Variants in MYRIP observed in about 807,000 individuals in gnomAD.
MYRIP encodes myosin VIIA and Rab interacting protein.
Under a neutral mutation model 98.0 loss-of-function variants are expected in MYRIP, and 49 were observed. That is an observed-to-expected ratio of 0.50 (90% CI 0.40 to 0.63). The LOEUF is 0.63. Among genes scored for constraint, MYRIP ranks in the 30% least tolerant of loss-of-function variants. MYRIP has a pLI of 0.00. For synonymous variants in MYRIP, 404 were observed against 409.5 expected (o/e 0.99, Z 0.16); for missense variants, 1,004 against 1,058.2 (o/e 0.95, Z 0.71).
chr3:40,012,400 A>G (rs1946777400), intron 2 of MYRIP, among the ~76,000 whole-genome samples: 1 of 152,254 alleles, frequency 6.6e-6, no homozygotes, highest in Admixed American at 6.5e-5. Context: ...CAACAGTTAC[A>G]GAACCCCTGG....
At chr3:40,159,776 G>C (rs552073670) in intron 4 of MYRIP, among the ~76,000 whole-genome samples, 3,128 of 152,110 alleles carry the variant, frequency 0.021, 112 homozygotes, top group African/African-American at 0.072. Flanking sequence ...CTTTCTTCCA[G>C]TTGATCGCAT....
At chr3:39,991,232 A>G (rs929630268) in intron 2 of MYRIP, among the ~76,000 whole-genome samples, 1 of 152,232 alleles carries the variant, frequency 6.6e-6, no homozygotes, top group African/African-American at 2.4e-5. Context: ...AGTGTCCTCC[A>G]GAGACAAAAC....
chr3:39,970,146 T>C (rs998808502), intron 2 of MYRIP: 3 of 152,154 alleles, frequency 2.0e-5, no homozygotes, highest in African/African-American at 7.2e-5. Flanking sequence ...GTGGCAATTG[T>C]TGTAGCCAAT....
intron 4 of MYRIP, among the ~76,000 whole-genome samples, chr3:40,157,311 A>T (rs1214677663): frequency 7.9e-6 from 1 of 127,150 alleles, no homozygotes; most frequent in African/African-American, 3.1e-5. Context: ...TGATTTGCGT[A>T]TATTGAACCA....
chr3:39,898,215 G>T (rs1364450814), intron 1 of MYRIP, among the ~76,000 whole-genome samples: 3 of 152,008 alleles, frequency 2.0e-5, no homozygotes, highest in African/African-American at 7.3e-5. Context: ...ACACCACTTG[G>T]GCAAAGTGGA....
At chr3:40,152,605 G>A (rs2125576260) in intron 4 of MYRIP, among the ~76,000 whole-genome samples, 1 of 152,276 alleles carries the variant, frequency 6.6e-6, no homozygotes, top group East Asian at 1.9e-4. Context: ...CCTGATTGAA[G>A]CAGCTTTAGG....
chr3:40,017,825 T>C (rs1434418439), intron 2 of MYRIP, among the ~76,000 whole-genome samples: 4 of 151,970 alleles, frequency 2.6e-5, no homozygotes, highest in African/African-American at 9.7e-5. Context: ...AGAATCAATT[T>C]GGTTTTCAGT....
Position 40,258,205 on chromosome 3 carries a change from G to C in MYRIP, c.*39G>C, listed in dbSNP as rs201971956. 6.2e-7 allele frequency: 1 copy of C among 1,613,410 alleles called. No individual in the cohort carries two copies. Among genetic ancestry groups the C allele is most frequent in the Admixed American group, 1.7e-5 (1 of 60,012 alleles). ...CACTGCCAGTGACCCACTGCCTCCG[G>C]CCGTACACGACAGTGCCTTGACCCA... On this transcript the variant is annotated 3_prime_UTR_variant, in exon 17 of 17. Transcript: ENST00000302541.
intron 3 of MYRIP, among the ~76,000 whole-genome samples, chr3:40,092,343 C>T (rs1948748676): frequency 2.6e-5 from 4 of 152,132 alleles, no homozygotes; most frequent in Admixed American, 2.0e-4. Context: ...CTGATGACAG[C>T]AATTGCCAGG....
chr3:39,978,472 C>T (rs544277990), intron 2 of MYRIP, among the ~76,000 whole-genome samples: 79 of 152,300 alleles, frequency 5.2e-4, no homozygotes, highest in African/African-American at 1.9e-3. Flanking sequence ...TGAGGCTGTG[C>T]AAAGTGAGTT....
chr3:39,969,636 A>G (rs1029237346), intron 2 of MYRIP, among the ~76,000 whole-genome samples: 4 of 152,132 alleles, frequency 2.6e-5, no homozygotes, highest in African/African-American at 4.8e-5. Context: ...AATGATGTGC[A>G]TATGTTGAAT....
intron 2 of MYRIP, among the ~76,000 whole-genome samples, chr3:40,019,390 C>G (rs150522848): frequency 0.01 from 1,581 of 152,282 alleles, 15 homozygotes; most frequent in Middle Eastern, 0.024. Context: ...ATATCCTGCT[C>G]CATTCTCCTG....
At chr3:39,822,166 CTATAT>C (rs140453476) in intron 1 of MYRIP, among the ~76,000 whole-genome samples, 161 of 152,222 alleles carry the variant, frequency 1.1e-3, no homozygotes, top group African/African-American at 3.6e-3. Context: ...GAGAGCTATA[CTATAT>C]TATATTTTTA....
Position 40,117,768 on chromosome 3 carries a change from C to T in MYRIP, c.333-33280C>T, listed in dbSNP as rs9838802. On this transcript the variant is annotated intron_variant, in intron 3 of 16. Coordinates refer to ENST00000302541, the MANE Select transcript of MYRIP (RefSeq NM_015460.4). The stretch of plus-strand genomic sequence containing the variant: ...AAAATAAATAACTTTAGACTCTTAC[C>T]CTCTACCTGACATTGAAATTAATTT... Among the ~76,000 whole-genome samples the T allele has an allele frequency of 7.2e-3, 1,089 of 152,242 alleles. 18 individuals are homozygous for T. Among genetic ancestry groups the T allele is most frequent in the African/African-American group, 0.025 (1,033 of 41,534 alleles).
intron 2 of MYRIP, among the ~76,000 whole-genome samples, chr3:39,989,833 G>A (rs923641395): frequency 6.6e-6 from 1 of 152,216 alleles, no homozygotes; most frequent in Admixed American, 6.5e-5. Context: ...GATACCTCTT[G>A]GGACCAAGCT....
At chr3:39,936,612 C>CTCAGGGAGACACTGTCACAGAAAGAA (rs1944661047) in intron 2 of MYRIP, among the ~76,000 whole-genome samples, 1 of 152,162 alleles carries the variant, frequency 6.6e-6, no homozygotes, top group South Asian at 2.1e-4. Flanking sequence ...TGCAGTGAGA[C>CTCAGGGAGACACTGTCACAGAAAGAA]TCAGGGAGAC....
chr3:40,160,279 G>C (rs914240582), intron 4 of MYRIP, among the ~76,000 whole-genome samples: 4 of 150,234 alleles, frequency 2.7e-5, no homozygotes, highest in Non-Finnish European at 5.9e-5. Context: ...TGCCCCTACT[G>C]GGGGGTGCCT....
At chr3:39,961,101 G>A (rs886303739) in intron 2 of MYRIP, among the ~76,000 whole-genome samples, 1 of 152,088 alleles carries the variant, frequency 6.6e-6, no homozygotes, top group African/African-American at 2.4e-5. Context: ...TGGCAGACTG[G>A]TGCAAGTTGA....
chr3:39,895,532 TC>T (rs1394165254), intron 1 of MYRIP, among the ~76,000 whole-genome samples: 2 of 148,772 alleles, frequency 1.3e-5, no homozygotes, highest in East Asian at 3.9e-4. Flanking sequence ...TATTTTTTTT[TC>T]GCTATGTGAA....
Sources: allele counts gnomAD v4.1 joint callset (sites outside exome capture counted in the v4.1 genomes callset), GRCh38; gene constraint gnomAD v4.1.1; transcripts MANE v1.5; gene names NCBI Gene and HGNC (gene_info 2026-07-23, HGNC 2026-07-21).